The following LRRC7 variants were observed in gnomAD, a reference collection of about 807,000 sequenced individuals.
LRRC7 encodes the protein leucine rich repeat containing 7.
A neutral mutation model predicts 175.7 loss-of-function variants in LRRC7; 23 were observed. That is an observed-to-expected ratio of 0.13 (90% confidence interval 0.09 to 0.19). The LOEUF is 0.19. LRRC7 is among the 10% of genes least tolerant of loss of function. The pLI, the probability that LRRC7 is intolerant of heterozygous loss-of-function variation, is 1.00. For missense variants in LRRC7, 1,354 were observed against 1,904.7 expected (o/e 0.71, Z 5.38); for synonymous variants, 685 against 680.9 (o/e 1.01, Z -0.09).
At chr1:70,032,165 G>T (rs1002580992) in intron 18 of LRRC7, among the ~76,000 whole-genome samples, 2 of 152,184 alleles carry the variant, frequency 1.3e-5, no homozygotes, top group African/African-American at 4.8e-5. Context: ...CTAGCCATTT[G>T]CACAGTGTCT....
At chr1:70,027,352 T>A (rs1658230371) in intron 17 of LRRC7, among the ~76,000 whole-genome samples, 1 of 152,144 alleles carries the variant, frequency 6.6e-6, no homozygotes, top group Non-Finnish European at 1.5e-5. Flanking sequence ...ATTTTCTCCC[T>A]CTAAATTTAA....
rs1200932063 is a variant in LRRC7, at chr1:70,131,361, A to G, written c.*9474A>G. Among the ~76,000 whole-genome samples the G allele has an allele frequency of 6.6e-6, 1 of 152,246 alleles. No individual in the cohort carries two copies. The highest frequency in any genetic ancestry group is 1.5e-5 in the Non-Finnish European group (1 of 68,046). Reference sequence around the variant, plus strand: ...CCCCCAGGTTGGTAAGCTCCTAACCACAATCCCTTTATTACCTCATGGGAC... The same window carrying G: ...CCCCCAGGTTGGTAAGCTCCTAACCGCAATCCCTTTATTACCTCATGGGAC... On this transcript the variant is annotated 3_prime_UTR_variant, in exon 27 of 27. Coordinates refer to ENST00000651989, the MANE Select transcript of LRRC7 (RefSeq NM_001370785.2).
At chr1:69,847,291 A>G (rs1682474153) in intron 7 of LRRC7, among the ~76,000 whole-genome samples, 1 of 152,120 alleles carries the variant, frequency 6.6e-6, no homozygotes, top group Admixed American at 6.6e-5. Flanking sequence ...GAAACATTAT[A>G]CTAATACTGA....
At chr1:70,044,232 T>A in intron 22 of LRRC7, 138 bp downstream of exon 22, 1 of 735,704 alleles carries the variant, frequency 1.4e-6, no homozygotes, top group South Asian at 2.6e-5. Context: ...GGGCAAGTAA[T>A]GTAGAGCCTG....
At chr1:69,787,837 C>T (rs1251108873) in intron 3 of LRRC7, among the ~76,000 whole-genome samples, 1 of 152,128 alleles carries the variant, frequency 6.6e-6, no homozygotes, top group Non-Finnish European at 1.5e-5. Flanking sequence ...GTCCCTCCCA[C>T]AATATGTGAG....
At chr1:70,087,973 G>A (rs562442091) in intron 24 of LRRC7, among the ~76,000 whole-genome samples, 2 of 152,304 alleles carry the variant, frequency 1.3e-5, no homozygotes, top group Middle Eastern at 3.4e-3. Flanking sequence ...CTTGAACTAA[G>A]AGGTAGGGAT....
rs145749444 is a variant in LRRC7, at chr1:69,612,648, T to A, written c.2+44007T>A. On this transcript the variant is annotated intron_variant, in intron 1 of 26. Coordinates refer to ENST00000651989, the MANE Select transcript of LRRC7 (RefSeq NM_001370785.2). Reference sequence around the variant, plus strand: ...TGTAAGGAATTTCTGGATATTGGTGTGAAGAAGTGTCTTTTTTGAATTAAT... The same window carrying A: ...TGTAAGGAATTTCTGGATATTGGTGAGAAGAAGTGTCTTTTTTGAATTAAT... 7.3e-3 allele frequency among the ~76,000 whole-genome samples: 1,107 copies of A among 152,170 alleles called. 10 individuals are homozygous for A. Among genetic ancestry groups the A allele is most frequent in the African/African-American group, 0.025 (1,038 of 41,548 alleles).
intron 2 of LRRC7, among the ~76,000 whole-genome samples, chr1:69,723,151 A>G (rs1025442594): frequency 1.3e-5 from 2 of 152,154 alleles, no homozygotes; most frequent in African/African-American, 4.8e-5. Context: ...TAATTCTTAT[A>G]GATATTAATG....
In LRRC7 at chr1:70,105,605, G is replaced by C. The variant is rs193264150; in HGVS notation, c.4546-2147G>C. Among the ~76,000 whole-genome samples, 16 of 152,186 alleles carry C rather than the reference G, an allele frequency of 1.1e-4. No individual in the cohort carries two copies. In the East Asian group the frequency reaches 3.1e-3, roughly 29 times the overall value. Reference sequence around the variant, plus strand: ...GTGTACTTCTACATCAGCCATTTAGGACTTCACTTTTAATGACCACATATC... The same window carrying C: ...GTGTACTTCTACATCAGCCATTTAGCACTTCACTTTTAATGACCACATATC... On this transcript the variant is annotated intron_variant, in intron 25 of 26. Coordinates refer to ENST00000651989, the MANE Select transcript of LRRC7 (RefSeq NM_001370785.2).
At chr1:69,731,891 T>G (rs1667618317) in intron 2 of LRRC7, among the ~76,000 whole-genome samples, 2 of 152,204 alleles carry the variant, frequency 1.3e-5, no homozygotes, top group East Asian at 3.8e-4. Flanking sequence ...AGAAGTTATC[T>G]GGGTACTTCC....
chr1:69,682,791 T>C (rs1254631554), intron 2 of LRRC7, among the ~76,000 whole-genome samples: 2 of 146,048 alleles, frequency 1.4e-5, no homozygotes, highest in Admixed American at 1.4e-4. Context: ...ATGCTTTGGC[T>C]ACCATAATAG....
At chr1:69,770,971 C>T (rs1006029448) in intron 3 of LRRC7, among the ~76,000 whole-genome samples, 3 of 152,180 alleles carry the variant, frequency 2.0e-5, no homozygotes, top group African/African-American at 7.2e-5. Flanking sequence ...TCCAGAAATA[C>T]AAGAACCTAT....
intron 8 of LRRC7, among the ~76,000 whole-genome samples, chr1:69,939,672 G>A (rs934597798): frequency 1.3e-5 from 2 of 152,072 alleles, no homozygotes; most frequent in African/African-American, 4.8e-5. Context: ...CAAGAGAAGT[G>A]TTGATTTTTG....
chr1:69,660,103 A>G (rs1399931539), intron 1 of LRRC7, among the ~76,000 whole-genome samples: 2 of 151,992 alleles, frequency 1.3e-5, no homozygotes, highest in Non-Finnish European at 2.9e-5. Flanking sequence ...ACTTATTGCC[A>G]AAGTATGGAA....
chr1:69,777,819 C>G (rs967777161), intron 3 of LRRC7, among the ~76,000 whole-genome samples: 5 of 152,224 alleles, frequency 3.3e-5, no homozygotes, highest in African/African-American at 1.2e-4. Flanking sequence ...GGAATAGTCT[C>G]CTTGCTGTTA....
At chr1:69,980,481 G>C in intron 9 of LRRC7, 28 bp downstream of exon 9, 1 of 1,487,352 alleles carries the variant, frequency 6.7e-7, no homozygotes, top group Non-Finnish European at 9.3e-7. Flanking sequence ...CTACCATGTT[G>C]TTTAATATTT....
rs184833887 is a variant in LRRC7, at chr1:69,936,312, A to G, written c.711+4742A>G. Among the ~76,000 whole-genome samples the G allele has an allele frequency of 9.9e-5, 15 of 152,268 alleles. No individual in the cohort carries two copies. The East Asian group carries it at 2.1e-3, about 22-fold the overall frequency. On this transcript the variant is annotated intron_variant, in intron 8 of 26. Coordinates refer to ENST00000651989, the MANE Select transcript of LRRC7 (RefSeq NM_001370785.2). Reference sequence around the variant, plus strand: ...ACTTGATTACAACGGCATTGACCCTATAACTCAATTTTTTATTGGAACGAT... The same window carrying G: ...ACTTGATTACAACGGCATTGACCCTGTAACTCAATTTTTTATTGGAACGAT...
intron 23 of LRRC7, among the ~76,000 whole-genome samples, chr1:70,071,251 T>A (rs2102115483): frequency 6.6e-6 from 1 of 152,320 alleles, no homozygotes; most frequent in South Asian, 2.1e-4. Flanking sequence ...AAGTCTGTGA[T>A]ATATGACACA....
intron 4 of LRRC7, among the ~76,000 whole-genome samples, chr1:69,794,891 C>T (rs1170645240): frequency 1.3e-5 from 2 of 152,158 alleles, no homozygotes; most frequent in Non-Finnish European, 2.9e-5. Context: ...ACTATTACCT[C>T]GGGGCTTTTA....
Sources: gnomAD v4.1 joint callset for allele counts (sites outside exome capture counted in the v4.1 genomes callset) on GRCh38, gnomAD v4.1.1 for gene constraint, MANE v1.5 for transcripts, NCBI Gene and HGNC (gene_info 2026-07-23, HGNC 2026-07-21) for gene names.